The following ZBTB7C variants were observed in gnomAD, a reference collection of about 807,000 sequenced individuals.
The protein encoded by ZBTB7C is zinc finger and BTB domain containing 7C, also known as zinc finger and BTB domain-containing protein 7C.
Under a neutral mutation model 25.7 loss-of-function variants are expected in ZBTB7C, and 8 were observed. The ratio of observed to expected loss-of-function variants is 0.31; its 90% CI spans 0.18 to 0.56. The LOEUF is 0.56. Ranked by LOEUF, ZBTB7C falls within the 20% of genes least tolerant of loss-of-function variation. ZBTB7C has a pLI of 0.91. For missense variants in ZBTB7C, 824 were observed against 855.2 expected (o/e 0.96, Z 0.46); for synonymous variants, 394 against 369.0 (o/e 1.07, Z -0.78).
At chr18:48,066,650 CCT>C (rs1406309679) in intron 3 of ZBTB7C, among the ~76,000 whole-genome samples, 1 of 152,176 alleles carries the variant, frequency 6.6e-6, no homozygotes, top group Non-Finnish European at 1.5e-5. Flanking sequence ...TTCCCCCTCC[CCT>C]GTTCCTGAGA....
At chr18:48,280,287 G>T (rs749776475) in intron 2 of ZBTB7C, among the ~76,000 whole-genome samples, 9 of 152,020 alleles carry the variant, frequency 5.9e-5, no homozygotes, top group Non-Finnish European at 1.3e-4. Flanking sequence ...ACCCATAACT[G>T]AGGGCACTCC....
chr18:48,145,728 G>A (rs938875228), intron 3 of ZBTB7C, among the ~76,000 whole-genome samples: 1 of 152,162 alleles, frequency 6.6e-6, no homozygotes, highest in African/African-American at 2.4e-5. Flanking sequence ...GAAATAGATG[G>A]TCTCTATTTG....
In ZBTB7C at chr18:48,283,693, C is replaced by T. The variant is rs1239083741; in HGVS notation, c.-79+54481G>A. On this transcript the variant is annotated intron_variant, in intron 2 of 4. Transcript: ENST00000590800. ...TCTACCAGTGAAACTTTTTCAGCAC[C>T]TTGGCAAGTGAGCTCCTCTATTATC... 2.0e-5 allele frequency among the ~76,000 whole-genome samples: 3 copies of T among 152,276 alleles called. No homozygotes were observed. The East Asian group carries it at 5.8e-4, about 29-fold the overall frequency.
intron 4 of ZBTB7C, among the ~76,000 whole-genome samples, chr18:48,037,487 GA>G (rs2036024635): frequency 1.3e-5 from 2 of 152,370 alleles, no homozygotes; most frequent in South Asian, 4.1e-4. Context: ...CCAGGGTCCA[GA>G]GGGTGAGAAG....
intron 3 of ZBTB7C, among the ~76,000 whole-genome samples, chr18:48,184,859 C>T (rs1204817997): frequency 6.6e-6 from 1 of 151,862 alleles, no homozygotes; most frequent in African/African-American, 2.4e-5. Flanking sequence ...CTCATTCCCT[C>T]TCTCTCTCTG....
chr18:48,100,915 G>T (rs1473978700), intron 3 of ZBTB7C, among the ~76,000 whole-genome samples: 1 of 28,218 alleles, frequency 3.5e-5, no homozygotes, highest in South Asian at 1.8e-3. Flanking sequence ...GGGACTGGTG[G>T]GGGGGCTGGA....
chr18:48,370,277 G>A (rs985872459), intron 1 of ZBTB7C, among the ~76,000 whole-genome samples: 4 of 152,044 alleles, frequency 2.6e-5, no homozygotes, highest in Non-Finnish European at 5.9e-5. Context: ...CAACCCAGAC[G>A]AATCTTCAGG....
At position 48,032,465 on chromosome 18, in the gene ZBTB7C, C is replaced by T. The variant is rs188367501; in HGVS notation, c.1209-2554G>A. On this transcript the variant is annotated intron_variant, in intron 4 of 4. Transcript: ENST00000590800. Reference sequence around the variant, plus strand: ...TTTTTTTTTTTTTGAGACGGAGTCTCGCTCTGTCACCCAGGCTGGAGTGCA... The same window carrying T: ...TTTTTTTTTTTTTGAGACGGAGTCTTGCTCTGTCACCCAGGCTGGAGTGCA... Among the ~76,000 whole-genome samples the T allele has an allele frequency of 8.2e-3, 964 of 117,934 alleles. 16 individuals are homozygous for T. Among genetic ancestry groups the T allele is most frequent in the Admixed American group, 0.039 (356 of 9,030 alleles). 77.4% of individuals were successfully genotyped at this position (117,934 alleles called of 152,430 possible).
chr18:48,288,530 C>G (rs1292115741), intron 2 of ZBTB7C, among the ~76,000 whole-genome samples: 2 of 151,302 alleles, frequency 1.3e-5, no homozygotes, highest in African/African-American at 2.4e-5. Flanking sequence ...GTTGTGGACA[C>G]TTGTAATCCC....
At chr18:48,364,560 G>C (rs569537008) in intron 1 of ZBTB7C, among the ~76,000 whole-genome samples, 1 of 152,192 alleles carries the variant, frequency 6.6e-6, no homozygotes, top group Non-Finnish European at 1.5e-5. Context: ...TGAAGAGGCC[G>C]TATAGGAGGT....
At chr18:48,220,562 G>A (rs914192588) in intron 2 of ZBTB7C, among the ~76,000 whole-genome samples, 2 of 152,138 alleles carry the variant, frequency 1.3e-5, no homozygotes, top group Non-Finnish European at 2.9e-5. Flanking sequence ...CTACACGTGG[G>A]CCTGACATGC....
chr18:48,410,378 T>C (rs1190950972), upstream of ZBTB7C, among the ~76,000 whole-genome samples: 1 of 152,100 alleles, frequency 6.6e-6, no homozygotes, highest in African/African-American at 2.4e-5. Flanking sequence ...CGGGTCGGCC[T>C]GGAAGGCGGC....
chr18:48,275,783 T>C (rs2044630210), intron 2 of ZBTB7C, among the ~76,000 whole-genome samples: 1 of 152,192 alleles, frequency 6.6e-6, no homozygotes, highest in South Asian at 2.1e-4. Context: ...TCATCTTTCT[T>C]CTCTCAGCTC....
At chr18:48,325,928 T>C (rs913634522) in intron 2 of ZBTB7C, among the ~76,000 whole-genome samples, 7 of 151,712 alleles carry the variant, frequency 4.6e-5, no homozygotes, top group Non-Finnish European at 8.8e-5. Context: ...AAAACCACCA[T>C]AGGAAATGAC....
At chr18:48,060,134 T>C (rs2037072753) in intron 3 of ZBTB7C, among the ~76,000 whole-genome samples, 1 of 152,132 alleles carries the variant, frequency 6.6e-6, no homozygotes, top group Admixed American at 6.5e-5. Context: ...ACACGACCCA[T>C]TTTAACCAGT....
At chr18:48,059,076 GTTT>G (rs1482936793) in intron 3 of ZBTB7C, among the ~76,000 whole-genome samples, 1 of 152,118 alleles carries the variant, frequency 6.6e-6, no homozygotes, top group Admixed American at 6.6e-5. Flanking sequence ...GATGTTTATT[GTTT>G]TAAGCTGCTA....
At chr18:48,088,160 G>T (rs554678166) in intron 3 of ZBTB7C, 4 of 152,292 alleles carry the variant, frequency 2.6e-5, no homozygotes, top group Non-Finnish European at 5.9e-5. Flanking sequence ...AAAGCATAAA[G>T]CTTTCGTCTG....
intron 2 of ZBTB7C, among the ~76,000 whole-genome samples, chr18:48,255,193 G>A (rs964787070): frequency 6.6e-6 from 1 of 152,088 alleles, no homozygotes. Flanking sequence ...ATATGCAAAG[G>A]AGCTGGAAAA....
At chr18:48,285,408 C>A (rs1287326647) in intron 2 of ZBTB7C, among the ~76,000 whole-genome samples, 1 of 152,194 alleles carries the variant, frequency 6.6e-6, no homozygotes, top group African/African-American at 2.4e-5. Flanking sequence ...TTATATTTTT[C>A]TCCTTACATT....
Sources: gnomAD v4.1 joint callset for allele counts (sites outside exome capture counted in the v4.1 genomes callset) on GRCh38, gnomAD v4.1.1 for gene constraint, MANE v1.5 for transcripts, NCBI Gene and HGNC (gene_info 2026-07-23, HGNC 2026-07-21) for gene names.